Variants in LRRIQ3 observed in about 807,000 individuals in gnomAD.
LRRIQ3 encodes leucine rich repeats and IQ motif containing 3.
In LRRIQ3, 75 loss-of-function variants were observed where a neutral mutation model predicts 59.3. That is an observed-to-expected ratio of 1.26 (90% CI 1.05 to 1.53). LRRIQ3 has a LOEUF of 1.53. Ranked by LOEUF, LRRIQ3 falls within the 40% of genes most tolerant of loss-of-function variation. The pLI is 0.00. For synonymous variants in LRRIQ3, 250 were observed against 231.3 expected (o/e 1.08, Z -0.73); for missense variants, 831 against 710.0 (o/e 1.17, Z -1.94).
intron 3 of LRRIQ3, among the ~76,000 whole-genome samples, chr1:74,161,645 C>T (rs1648666168): frequency 6.6e-6 from 1 of 151,808 alleles, no homozygotes; most frequent in African/African-American, 2.4e-5. Flanking sequence ...AGAAGCAGTT[C>T]TCATCAGTAG....
chr1:74,110,050 C>A (rs946762661), intron 4 of LRRIQ3, among the ~76,000 whole-genome samples: 1 of 151,412 alleles, frequency 6.6e-6, no homozygotes, highest in Non-Finnish European at 1.5e-5. Context: ...TTTTGATTAG[C>A]CACACTAAAA....
At chr1:74,050,090 AT>A (rs1456320052) in intron 6 of LRRIQ3, among the ~76,000 whole-genome samples, 2 of 151,744 alleles carry the variant, frequency 1.3e-5, no homozygotes, top group African/African-American at 2.4e-5. Context: ...TACCTGGCTA[AT>A]TTTTGTATTT....
chr1:74,080,189 T>C (rs1363588093), intron 5 of LRRIQ3, among the ~76,000 whole-genome samples: 1 of 151,434 alleles, frequency 6.6e-6, no homozygotes, highest in Non-Finnish European at 1.5e-5. Context: ...AAAACAGCAA[T>C]TAAAGAGCCA....
Position 74,055,180 on chromosome 1 carries a change from T to TTATATATA in LRRIQ3, c.998-13255_998-13248dup, listed in dbSNP as rs57279520. 5.8e-3 allele frequency among the ~76,000 whole-genome samples: 812 copies of TTATATATA among 139,864 alleles called. 7 individuals carry two copies. Among genetic ancestry groups the TTATATATA allele is most frequent in the African/African-American group, 0.02 (730 of 37,426 alleles). 91.8% of individuals were successfully genotyped at this position (139,864 alleles called of 152,430 possible). On this transcript the variant is annotated intron_variant, in intron 6 of 7. Coordinates refer to ENST00000354431, the MANE Select transcript of LRRIQ3 (RefSeq NM_001105659.2). ...ACACACACATACATACATATACACT[T>TTATATATA]TATATATATATATATATATATATAT...
intron 3 of LRRIQ3, among the ~76,000 whole-genome samples, chr1:74,179,675 G>T (rs914896652): frequency 2.0e-4 from 31 of 151,914 alleles, no homozygotes; most frequent in Non-Finnish European, 4.0e-4. Flanking sequence ...AATGATCAAA[G>T]AATAATCAAA....
intron 6 of LRRIQ3, among the ~76,000 whole-genome samples, chr1:74,059,533 A>G (rs999502850): frequency 1.3e-5 from 2 of 152,056 alleles, no homozygotes; most frequent in African/African-American, 2.4e-5. Flanking sequence ...ACACTTGTCA[A>G]AAAGTTGTAT....
At chr1:74,056,470 G>T (rs566406876) in intron 6 of LRRIQ3, among the ~76,000 whole-genome samples, 1 of 151,962 alleles carries the variant, frequency 6.6e-6, no homozygotes, top group African/African-American at 2.4e-5. Flanking sequence ...TAAAAAACTA[G>T]GAAGACTCCA....
intron 3 of LRRIQ3, among the ~76,000 whole-genome samples, chr1:74,156,315 T>C (rs1648325615): frequency 6.6e-6 from 1 of 152,156 alleles, no homozygotes; most frequent in African/African-American, 2.4e-5. Flanking sequence ...ATACTTCCTA[T>C]ATACCCTATA....
chr1:74,187,618 C>G (rs765262659), intron 1 of LRRIQ3, among the ~76,000 whole-genome samples: 3 of 152,024 alleles, frequency 2.0e-5, no homozygotes, highest in Non-Finnish European at 2.9e-5. Flanking sequence ...GTATAGAAGA[C>G]TACATACTGG....
chr1:74,038,873 C>A (rs1402819999), intron 7 of LRRIQ3, among the ~76,000 whole-genome samples: 1 of 152,108 alleles, frequency 6.6e-6, no homozygotes, highest in African/African-American at 2.4e-5. Flanking sequence ...GAGAACGAAT[C>A]AATGAAAAAA....
chr1:74,177,361 C>T (rs1480222455), intron 3 of LRRIQ3, among the ~76,000 whole-genome samples: 1 of 152,086 alleles, frequency 6.6e-6, no homozygotes, highest in Non-Finnish European at 1.5e-5. Context: ...CTCCTTGCTC[C>T]TCAAGCTTGC....
intron 4 of LRRIQ3, among the ~76,000 whole-genome samples, chr1:74,137,252 A>T (rs981731172): frequency 2.0e-5 from 3 of 152,012 alleles, no homozygotes; most frequent in Non-Finnish European, 4.4e-5. Flanking sequence ...GATTTTACAT[A>T]ACCAACATCT....
Position 74,026,266 on chromosome 1 carries a change from C to T in LRRIQ3, c.*547G>A, listed in dbSNP as rs1431708831. On this transcript the variant is annotated 3_prime_UTR_variant, in exon 8 of 8. Coordinates refer to ENST00000354431, the MANE Select transcript of LRRIQ3 (RefSeq NM_001105659.2). ...GAAGGTGATAAGAATGTTTAATTTACTTTTCATAGTTCATATTTTCTGAAT... is the reference window on the plus strand; with the variant it reads ...GAAGGTGATAAGAATGTTTAATTTATTTTTCATAGTTCATATTTTCTGAAT... The T allele has an allele frequency of 1.3e-5, 2 of 152,032 alleles. No individual in the cohort carries two copies. Among genetic ancestry groups the T allele is most frequent in the African/African-American group, 2.4e-5 (1 of 41,422 alleles). 9.4% of individuals were successfully genotyped at this position (152,032 alleles called of 1,614,324 possible). A position where few individuals can be genotyped will look rare whatever the true frequency, so the allele number is the denominator to read the frequency against.
intron 4 of LRRIQ3, among the ~76,000 whole-genome samples, chr1:74,124,524 T>C (rs1431162647): frequency 1.3e-5 from 2 of 151,930 alleles, no homozygotes; most frequent in African/African-American, 4.8e-5. Flanking sequence ...TCCATTTTGA[T>C]GTGATTTTTC....
chr1:74,069,965 C>CA (rs1471150473), intron 6 of LRRIQ3, among the ~76,000 whole-genome samples: 4 of 151,096 alleles, frequency 2.6e-5, no homozygotes, highest in Non-Finnish European at 4.4e-5. Context: ...TATAAAAAGT[C>CA]AAAAAACGAC....
intron 4 of LRRIQ3, among the ~76,000 whole-genome samples, chr1:74,151,830 A>T (rs997898054): frequency 6.6e-6 from 1 of 152,170 alleles, no homozygotes; most frequent in African/African-American, 2.4e-5. Flanking sequence ...GGTAATAGAA[A>T]CCACAGTCAG....
At chr1:74,084,117 T>G in intron 5 of LRRIQ3, 1 of 1,514,324 alleles carries the variant, frequency 6.6e-7, no homozygotes, top group South Asian at 1.2e-5. Context: ...CATCCTGTTG[T>G]CCAATGAATG....
intron 3 of LRRIQ3, among the ~76,000 whole-genome samples, chr1:74,172,878 C>T (rs1482821527): frequency 2.0e-5 from 3 of 152,116 alleles, no homozygotes; most frequent in East Asian, 3.9e-4. Context: ...AATGTAGACA[C>T]TCCTGGTATC....
chr1:74,171,365 A>C (rs1247136519), intron 3 of LRRIQ3, among the ~76,000 whole-genome samples: 1 of 152,124 alleles, frequency 6.6e-6, no homozygotes, highest in East Asian at 1.9e-4. Context: ...AAAGGTGTTG[A>C]ATTTTTGTCA....
Sources: allele counts gnomAD v4.1 joint callset (sites outside exome capture counted in the v4.1 genomes callset), GRCh38; gene constraint gnomAD v4.1.1; transcripts MANE v1.5; gene names NCBI Gene and HGNC (gene_info 2026-07-23, HGNC 2026-07-21).